The following SHOC2 variants were observed in gnomAD, a reference collection of about 807,000 sequenced individuals.
SHOC2 encodes leucine-rich repeat protein SHOC-2.
In SHOC2, 4 loss-of-function variants were observed where a neutral mutation model predicts 50.2. That is an observed-to-expected ratio of 0.08 (90% CI 0.04 to 0.18). The LOEUF (loss-of-function observed/expected upper bound fraction) is 0.18, where lower values mean the gene tolerates loss of function less well. SHOC2 is among the 10% of genes least tolerant of loss of function. The pLI, the probability that SHOC2 is intolerant of heterozygous loss-of-function variation, is 1.00. For synonymous variants in SHOC2, 218 were observed against 244.5 expected (o/e 0.89, Z 1.01); for missense variants, 388 against 669.6 (o/e 0.58, Z 4.64).
intron 2 of SHOC2, among the ~76,000 whole-genome samples, chr10:110,973,181 T>C (rs1401644517): frequency 6.6e-6 from 1 of 152,232 alleles, no homozygotes; most frequent in African/African-American, 2.4e-5. Flanking sequence ...TTTTTAATTA[T>C]ATAGTTTTAC....
At chr10:110,958,783 C>T (rs1242726250) in intron 1 of SHOC2, among the ~76,000 whole-genome samples, 1 of 151,860 alleles carries the variant, frequency 6.6e-6, no homozygotes, top group African/African-American at 2.4e-5. Flanking sequence ...CTGATTTAAG[C>T]CGGCTACTCA....
intron 1 of SHOC2, among the ~76,000 whole-genome samples, chr10:110,962,756 A>G (rs1006508324): frequency 6.6e-6 from 1 of 152,134 alleles, no homozygotes; most frequent in African/African-American, 2.4e-5. Context: ...ATGCTTTGCC[A>G]TCTCTCCTTT....
intron 3 of SHOC2, among the ~76,000 whole-genome samples, chr10:110,991,986 G>T (rs1270556612): frequency 6.6e-6 from 1 of 152,148 alleles, no homozygotes; most frequent in Non-Finnish European, 1.5e-5. Context: ...AAAGAATCTT[G>T]CCCTAAACTT....
Position 111,000,688 on chromosome 10 carries a change from C to T in SHOC2, c.972+143C>T, listed in dbSNP as rs564430716. On this transcript the variant is annotated intron_variant, in intron 4 of 8. Transcript: ENST00000369452. ...GAGTATGCTGTGAATGTACCACCAC[C>T]GCTGAAGTAACTCCAAACAAGAAAG... The T allele has an allele frequency of 5.2e-4, 376 of 717,888 alleles. 1 individual carries two copies. Among genetic ancestry groups the T allele is most frequent in the Admixed American group, 1.2e-3 (54 of 44,784 alleles). The allele number at this position is 717,888 out of a possible 1,614,324, so 44.5% of individuals were successfully genotyped here. A position where few individuals can be genotyped will look rare whatever the true frequency, so the allele number is the denominator to read the frequency against.
Position 110,943,687 on chromosome 10 carries a change from G to T in SHOC2, c.-234-20438G>T, listed in dbSNP as rs142533431. On this transcript the variant is annotated intron_variant, in intron 1 of 8. Coordinates refer to ENST00000369452, the MANE Select transcript of SHOC2 (RefSeq NM_007373.4). ...TGTCCTGCTGGAACACTGAAACCTT[G>T]CTAACTCACTAGAGAACAAAAAGTA... Among the ~76,000 whole-genome samples the T allele has an allele frequency of 2.6e-5, 4 of 152,284 alleles. No individual in the cohort carries two copies. In the East Asian group the frequency reaches 7.7e-4, roughly 29 times the overall value.
intron 2 of SHOC2, among the ~76,000 whole-genome samples, chr10:110,974,888 G>A (rs906814418): frequency 2.0e-5 from 3 of 151,580 alleles, no homozygotes; most frequent in African/African-American, 7.3e-5. Flanking sequence ...TTTGCTTTAA[G>A]GTTTAAATTA....
At chr10:110,997,617 C>T (rs901779646) in intron 3 of SHOC2, among the ~76,000 whole-genome samples, 8 of 151,946 alleles carry the variant, frequency 5.3e-5, no homozygotes, top group Non-Finnish European at 1.5e-5. Context: ...CAGAATATTG[C>T]AGAATATAGA....
chr10:111,007,364 T>G (rs751981829), intron 5 of SHOC2, among the ~76,000 whole-genome samples, 167 bp from the exon 6 acceptor site: 9 of 152,220 alleles, frequency 5.9e-5, no homozygotes, highest in African/African-American at 1.7e-4. Flanking sequence ...TAAAAAACTT[T>G]GGAGGCTTAG....
chr10:110,958,133 G>A (rs1236763277), intron 1 of SHOC2, among the ~76,000 whole-genome samples: 1 of 151,920 alleles, frequency 6.6e-6, no homozygotes, highest in Non-Finnish European at 1.5e-5. Flanking sequence ...TAGATGAACT[G>A]GCTGCTGCTT....
At chr10:110,938,108 G>A (rs1175278268) in intron 1 of SHOC2, among the ~76,000 whole-genome samples, 1 of 152,142 alleles carries the variant, frequency 6.6e-6, no homozygotes, top group Non-Finnish European at 1.5e-5. Context: ...TTCAAGGGTA[G>A]TGTCCATTTA....
intron 1 of SHOC2, among the ~76,000 whole-genome samples, chr10:110,945,237 A>G (rs930033051): frequency 3.3e-5 from 5 of 152,224 alleles, no homozygotes; most frequent in Non-Finnish European, 7.3e-5. Context: ...GTCAGGTCAC[A>G]TACGGTCAGC....
intron 3 of SHOC2, among the ~76,000 whole-genome samples, chr10:110,986,653 T>A (rs530577370): frequency 6.6e-6 from 1 of 152,204 alleles, no homozygotes; most frequent in East Asian, 1.9e-4. Context: ...TTTTTCTATT[T>A]TTAATAGAGA....
intron 1 of SHOC2, among the ~76,000 whole-genome samples, chr10:110,953,893 A>G (rs932200419): frequency 6.6e-6 from 1 of 151,158 alleles, no homozygotes; most frequent in Non-Finnish European, 1.5e-5. Flanking sequence ...AAAATTTTTA[A>G]TTATATATAA....
chr10:110,956,692 C>G (rs181961466), intron 1 of SHOC2, among the ~76,000 whole-genome samples: 5 of 152,214 alleles, frequency 3.3e-5, no homozygotes, highest in Admixed American at 3.3e-4. Flanking sequence ...TTAAATCTTA[C>G]ATTTATCTTG....
intron 1 of SHOC2, among the ~76,000 whole-genome samples, chr10:110,921,514 T>A (rs926471214): frequency 6.6e-6 from 1 of 152,168 alleles, no homozygotes. Context: ...TACTGCATTT[T>A]CCCAAGGTGC....
chr10:110,951,623 C>T (rs1847354867), intron 1 of SHOC2: 2 of 152,164 alleles, frequency 1.3e-5, no homozygotes, highest in African/African-American at 4.8e-5. Context: ...TTTACAATAA[C>T]CAAGATATGA....
At chr10:110,986,099 T>A (rs1437404406) in intron 3 of SHOC2, among the ~76,000 whole-genome samples, 2 of 152,204 alleles carry the variant, frequency 1.3e-5, no homozygotes, top group African/African-American at 4.8e-5. Context: ...GGTGTGGTCC[T>A]TTCTTTGCTA....
intron 1 of SHOC2, among the ~76,000 whole-genome samples, chr10:110,929,795 A>G (rs749702057): frequency 1.3e-5 from 2 of 152,232 alleles, no homozygotes; most frequent in Non-Finnish European, 2.9e-5. Flanking sequence ...ATTGGAGGTT[A>G]TAGCTTCAGC....
At chr10:110,946,934 T>C (rs1847256857) in intron 1 of SHOC2, among the ~76,000 whole-genome samples, 1 of 152,200 alleles carries the variant, frequency 6.6e-6, no homozygotes, top group African/African-American at 2.4e-5. Flanking sequence ...TTTCAGCATT[T>C]GTTTCTTCAC....
Sources: gnomAD v4.1 joint callset for allele counts (sites outside exome capture counted in the v4.1 genomes callset) on GRCh38, gnomAD v4.1.1 for gene constraint, MANE v1.5 for transcripts, NCBI Gene and HGNC (gene_info 2026-07-23, HGNC 2026-07-21) for gene names.